The following PGR variants were observed in gnomAD, a reference collection of about 807,000 sequenced individuals.
PGR encodes progesterone receptor, also known as nuclear receptor subfamily 3 group C member 3.
PGR carries 25 observed loss-of-function variants against 76.1 expected under a neutral mutation model. That is an observed-to-expected ratio of 0.33 (90% CI 0.24 to 0.46). The LOEUF is 0.46. PGR is among the 20% of genes least tolerant of loss of function. The pLI, the probability that PGR is intolerant of heterozygous loss-of-function variation, is 1.00. For synonymous variants in PGR, 579 were observed against 535.0 expected (o/e 1.08, Z -1.14); for missense variants, 1,172 against 1,225.3 (o/e 0.96, Z 0.65).
intron 4 of PGR, among the ~76,000 whole-genome samples, chr11:101,057,132 T>C (rs772159084): frequency 6.6e-6 from 1 of 152,174 alleles, no homozygotes; most frequent in Non-Finnish European, 1.5e-5. Context: ...CTCAGAGTCA[T>C]AGTGTTATGG....
rs1859401390 is a variant in PGR, at chr11:101,033,107, A to G, written c.*6009T>C. On this transcript the variant is annotated 3_prime_UTR_variant, in exon 8 of 8. Coordinates refer to ENST00000325455, the MANE Select transcript of PGR (RefSeq NM_000926.4). ...CTTTGTGCTGATTTTTCTTATAAAC[A>G]TGCACAACTCAGAAAAGTTAAAATA... The G allele has an allele frequency of 9.7e-6, 2 of 205,764 alleles. No individual in the cohort carries two copies. Among genetic ancestry groups the G allele is most frequent in the African/African-American group, 4.6e-5 (2 of 43,852 alleles). The allele number at this position is 205,764 out of a possible 1,614,324, so 12.7% of individuals were successfully genotyped here. A position where few individuals can be genotyped will look rare whatever the true frequency, so the allele number is the denominator to read the frequency against.
Position 101,129,100 on chromosome 11 carries a change from C to A in PGR, c.-30G>T. ...ACTGGACTCCCCTTTTCTCCTCCCC[C>A]GTCTCCAGGAGGAGGGAAAAGGGAA... On this transcript the variant is annotated 5_prime_UTR_variant, in exon 1 of 8. Transcript: ENST00000325455. The A allele has an allele frequency of 7.4e-7, 1 of 1,342,526 alleles. No individual in the cohort carries two copies. Among genetic ancestry groups the A allele is most frequent in the Non-Finnish European group, 9.5e-7 (1 of 1,049,836 alleles). 83.2% of individuals were successfully genotyped at this position (1,342,526 alleles called of 1,614,324 possible). A position where few individuals can be genotyped will look rare whatever the true frequency, so the allele number is the denominator to read the frequency against.
chr11:101,117,379 T>C (rs1249140786), intron 2 of PGR, among the ~76,000 whole-genome samples: 1 of 152,192 alleles, frequency 6.6e-6, no homozygotes, highest in Non-Finnish European at 1.5e-5. Flanking sequence ...GAATATTTTG[T>C]ATATGGGTAA....
chr11:101,111,649 C>T (rs1000866225), intron 2 of PGR, among the ~76,000 whole-genome samples: 2 of 152,082 alleles, frequency 1.3e-5, no homozygotes, highest in Admixed American at 6.6e-5. Context: ...CAAACCAGTA[C>T]CCAGGTGATT....
At position 101,091,942 on chromosome 11, in the gene PGR, G is replaced by A. The variant is rs533167867; in HGVS notation, c.1790-66C>T. On this transcript the variant is annotated intron_variant, in intron 2 of 7. Coordinates refer to ENST00000325455, the MANE Select transcript of PGR (RefSeq NM_000926.4). The stretch of plus-strand genomic sequence containing the variant: ...AGATTCACTGGAAATTCTATGCAGT[G>A]ACAACTGAAATAGAGACTAGATACA... The A allele has an allele frequency of 1.9e-5, 16 of 836,570 alleles. No individual in the cohort carries two copies. The African/African-American group carries it at 2.7e-4, about 14-fold the overall frequency. The allele number at this position is 836,570 out of a possible 1,614,324, so 51.8% of individuals were successfully genotyped here.
At chr11:101,060,157 A>G (rs1018917438) in intron 4 of PGR, among the ~76,000 whole-genome samples, 1 of 152,134 alleles carries the variant, frequency 6.6e-6, no homozygotes, top group East Asian at 1.9e-4. Flanking sequence ...TCCTAGCAAC[A>G]TAAGTATTAT....
rs933954481 is a variant in PGR at position 101,037,465 on chromosome 11, A to T, written c.*1651T>A. On this transcript the variant is annotated 3_prime_UTR_variant, in exon 8 of 8. Transcript: ENST00000325455. ...GAAATTAGAAATGAAGAAAGTTTTT[A>T]TGCTGAGGTTTACAGTACAAAACAA... The T allele has an allele frequency of 2.7e-5, 6 of 223,162 alleles. No homozygotes were observed. Among genetic ancestry groups the T allele is most frequent in the African/African-American group, 1.1e-4 (5 of 44,856 alleles). The allele number at this position is 223,162 out of a possible 1,614,324, so 13.8% of individuals were successfully genotyped here.
At chr11:101,085,468 A>G (rs1302679) in intron 3 of PGR, among the ~76,000 whole-genome samples, 15,264 of 146,442 alleles carry the variant, frequency 0.1, 846 homozygotes, top group East Asian at 0.19. Context: ...CTAAATGCCT[A>G]CCTCAAAAAG....
intron 3 of PGR, among the ~76,000 whole-genome samples, chr11:101,076,294 T>G (rs920211990): frequency 1.5e-4 from 21 of 137,018 alleles, no homozygotes; most frequent in African/African-American, 5.8e-4. Flanking sequence ...GGGAGGGGAA[T>G]GTCACACACA....
At chr11:101,114,153 C>A (rs182862596) in intron 2 of PGR, among the ~76,000 whole-genome samples, 1 of 152,178 alleles carries the variant, frequency 6.6e-6, no homozygotes, top group Non-Finnish European at 1.5e-5. Flanking sequence ...TCCTTCCATA[C>A]CCCGCATTTA....
intron 3 of PGR, among the ~76,000 whole-genome samples, chr11:101,079,690 A>C (rs1861236981): frequency 1.3e-5 from 2 of 152,250 alleles, no homozygotes; most frequent in Admixed American, 1.3e-4. Context: ...GTAACTATGG[A>C]AAACAGTATG....
chr11:101,129,039 G>A lies in PGR; in HGVS notation c.32C>T (p.Ala11Val), dbSNP rs754148309. 6.4e-7 allele frequency: 1 copy of A among 1,564,288 alleles called. No homozygotes were observed. Among genetic ancestry groups the A allele is most frequent in the Non-Finnish European group, 8.7e-7 (1 of 1,154,958 alleles). ...GGGCGGGCCGCCCGCCACGTGGGGAGCCCGGGGACCCTTTGCCTTCAGCTC... is the reference window on the plus strand; with the variant it reads ...GGGCGGGCCGCCCGCCACGTGGGGAACCCGGGGACCCTTTGCCTTCAGCTC... MTELKAKGPR[A>V]PHVAGGPPSP... Residue 11 changes from alanine to valine, a missense_variant, in exon 1 of 8, where the codon GCT (alanine) becomes GTT (valine). Ala to Val is a moderately conservative substitution (Grantham distance 64). This residue lies in a region of PGR where 893 missense variants were observed against 785.9 expected (regional missense o/e 1.14). Coordinates refer to ENST00000325455, the MANE Select transcript of PGR (RefSeq NM_000926.4).
At chr11:101,056,244 A>AAC (rs1555050057) in intron 4 of PGR, among the ~76,000 whole-genome samples, 1 of 14,394 alleles carries the variant, frequency 6.9e-5, no homozygotes, top group African/African-American at 1.3e-4. Flanking sequence ...AAAAAAAAAA[A>AAC]CACTTTTCCT....
Position 101,080,714 on chromosome 11 carries a change from GT to G in PGR, c.1906+11045del, listed in dbSNP as rs1861277172. Among the ~76,000 whole-genome samples the G allele has an allele frequency of 2.6e-5, 4 of 151,964 alleles. No individual in the cohort carries two copies. In the South Asian group the frequency reaches 6.2e-4, roughly 24 times the overall value. On this transcript the variant is annotated intron_variant, in intron 3 of 7. Transcript: ENST00000325455. Reference sequence around the variant, plus strand: ...GAAGTTCATTGTAATCAAAGACAAGGTTGAAAACCAACATAAACTTCTAAAG... The same window carrying G: ...GAAGTTCATTGTAATCAAAGACAAGGTGAAAACCAACATAAACTTCTAAAG...
At chr11:101,062,364 T>C (rs1860533564) in intron 4 of PGR, 83 bp downstream of exon 4, 4 of 1,009,244 alleles carry the variant, frequency 4.0e-6, no homozygotes, top group East Asian at 5.2e-5. Context: ...ATTTACTGCA[T>C]AGAGTGTTTT....
Position 101,128,451 on chromosome 11 carries a change from C to T in PGR, c.620G>A (p.Gly207Glu). 1 of 1,610,024 alleles carries T rather than the reference C, an allele frequency of 6.2e-7. No individual in the cohort carries two copies. Among genetic ancestry groups the T allele is most frequent in the Non-Finnish European group, 8.5e-7 (1 of 1,179,700 alleles). ...CTGCGGAGACGGCTTCACTGGGGCC[C>T]CGGACCAGTGAGGGCTCTCAGAGGC... is the stretch of plus-strand genomic sequence containing the variant. ...LPASESPHWS[G>E]APVKPSPQAA... is the part of the protein sequence containing the mutation. The change falls in exon 1 of 8, where the codon GGG becomes GAG. Residue 207 changes from glycine (G) to glutamate (E), a missense_variant. Around this residue, in one of 4 missense-constraint regions of PGR, gnomAD observed 893 missense variants for 785.9 expected, o/e 1.14. Coordinates refer to ENST00000325455, the MANE Select transcript of PGR (RefSeq NM_000926.4).
intron 2 of PGR, among the ~76,000 whole-genome samples, chr11:101,115,752 G>C (rs1257552031): frequency 6.8e-6 from 1 of 147,986 alleles, no homozygotes; most frequent in Non-Finnish European, 1.5e-5. Context: ...CTGGGCTACA[G>C]AGCGGGGACT....
rs1309201835 is a variant in PGR, at chr11:101,037,898, CAATTGTAA to C, written c.*1210_*1217del. On this transcript the variant is annotated 3_prime_UTR_variant, in exon 8 of 8. Transcript: ENST00000325455. ...GGCTCCCAGACTCCCAGGAGAGTCA[CAATTGTAA>C]AATAACATGCTACTGTAACTCAAAT... The C allele has an allele frequency of 9.3e-6, 2 of 215,452 alleles. No homozygotes were observed. The highest frequency in any genetic ancestry group is 4.5e-5 in the African/African-American group (2 of 44,288). 13.3% of individuals were successfully genotyped at this position (215,452 alleles called of 1,614,324 possible). A position where few individuals can be genotyped will look rare whatever the true frequency, so the allele number is the denominator to read the frequency against.
rs1862912780 is a variant in PGR, at chr11:101,127,760, C to T, written c.1311G>A (p.Ala437=). ...PRATPSRPGE[A]AVTAAPASAS... ...CACTGGCGGGTGCGGCCGTCACCGC[C>T]GCTTCCCCGGGTCTGGATGGGGTCG... Residue 437 remains alanine, a synonymous_variant, in exon 1 of 8, where the codon GCG becomes GCA. Coordinates refer to ENST00000325455, the MANE Select transcript of PGR (RefSeq NM_000926.4). The T allele has an allele frequency of 6.4e-7, 1 of 1,560,180 alleles. No individual in the cohort carries two copies.
Sources: gnomAD v4.1 joint callset for allele counts (sites outside exome capture counted in the v4.1 genomes callset) on GRCh38, gnomAD v4.1.1 for gene constraint, gnomAD v4.1.1 regional missense constraint, MANE v1.5 for transcripts, NCBI Gene and HGNC (gene_info 2026-07-23, HGNC 2026-07-21) for gene names.